The following PRORP variants were observed in gnomAD, a reference collection of about 807,000 sequenced individuals.
PRORP encodes protein only RNase P catalytic subunit, also known as mitochondrial ribonuclease P catalytic subunit.
PRORP carries 51 observed loss-of-function variants against 59.4 expected under a neutral mutation model. That is an observed-to-expected ratio of 0.86 (90% confidence interval 0.69 to 1.08). The LOEUF is 1.08. PRORP is among the 50% of genes least tolerant of loss of function. The probability of loss-of-function intolerance (pLI) is 0.00; values close to 1 mark genes in which losing one functional copy is unlikely to be tolerated. For synonymous variants in PRORP, 231 were observed against 245.6 expected (o/e 0.94, Z 0.55); for missense variants, 646 against 690.3 (o/e 0.94, Z 0.72).
intron 4 of PRORP, among the ~76,000 whole-genome samples, chr14:35,140,180 T>C (rs542582061): frequency 6.9e-6 from 1 of 145,292 alleles, no homozygotes; most frequent in Admixed American, 7.2e-5. Context: ...CTTGGGTAAC[T>C]CTCTTAGGAC....
At position 35,180,765 on chromosome 14, in the gene PRORP, T is replaced by A; in HGVS notation, c.1263T>A (p.Arg421=). ...TTGCCAAAATGTTTCCTAAAGTTCG[T>A]GAATCTCAACTTGTAAGTATAAGTT... The part of the protein sequence containing the change: ...LNVAKMFPKV[R]ESQLLLNVVS... Residue 421 remains arginine (R), a synonymous_variant, in exon 5 of 8, where the codon CGT becomes CGA. Transcript: ENST00000534898. 6.3e-7 allele frequency: 1 copy of A among 1,599,870 alleles called. No individual in the cohort carries two copies.
At chr14:35,158,770 A>T (rs951216607) in intron 4 of PRORP, 2 of 365,510 alleles carry the variant, frequency 5.5e-6, no homozygotes, top group Non-Finnish European at 1.1e-5. Context: ...CAGCAACTTA[A>T]CACTACCTTC....
At chr14:35,236,641 C>A (rs187913313) in intron 5 of PRORP, among the ~76,000 whole-genome samples, 65 of 152,284 alleles carry the variant, frequency 4.3e-4, no homozygotes, top group Admixed American at 2.2e-3. Flanking sequence ...AATTCTGTGA[C>A]TTCACATTCT....
chr14:35,196,278 C>T (rs756021734), intron 5 of PRORP, among the ~76,000 whole-genome samples: 7 of 152,246 alleles, frequency 4.6e-5, no homozygotes, highest in East Asian at 3.9e-4. Flanking sequence ...AGTTAGAGAC[C>T]GGCCTGGGCA....
chr14:35,156,594 G>A (rs925041285), intron 4 of PRORP, among the ~76,000 whole-genome samples: 1 of 152,134 alleles, frequency 6.6e-6, no homozygotes, highest in African/African-American at 2.4e-5. Context: ...GTGATTCTTT[G>A]CAAGCTGACT....
In PRORP at chr14:35,259,995, T is replaced by TTG. The variant is rs1291929919; in HGVS notation, c.1276-6731_1276-6730insGT. On this transcript the variant is annotated intron_variant, in intron 5 of 7. Transcript: ENST00000534898. ...CAGGTGTTTTGGAGGTTTTTCGGGT[T>TTG]TTTTTTTTTTTTTTTTTTTTGGTGG... Among the ~76,000 whole-genome samples the TTG allele has an allele frequency of 7.2e-3, 977 of 134,950 alleles. 14 individuals carry two copies. Among genetic ancestry groups the TTG allele is most frequent in the African/African-American group, 0.029 (929 of 32,572 alleles). 88.5% of individuals were successfully genotyped at this position (134,950 alleles called of 152,430 possible).
intron 4 of PRORP, chr14:35,159,037 C>G (rs962958683): frequency 3.5e-6 from 1 of 286,572 alleles, no homozygotes. Flanking sequence ...CAGAAGAAAT[C>G]CACAGAAGAA....
intron 5 of PRORP, among the ~76,000 whole-genome samples, chr14:35,265,016 T>A (rs938188658): frequency 3.3e-5 from 5 of 151,966 alleles, no homozygotes; most frequent in African/African-American, 2.4e-5. Flanking sequence ...AAATAAAAAA[T>A]AAAAAAATTC....
intron 6 of PRORP, among the ~76,000 whole-genome samples, chr14:35,269,227 A>G (rs2051125408): frequency 6.6e-6 from 1 of 152,224 alleles, no homozygotes; most frequent in African/African-American, 2.4e-5. Flanking sequence ...TAACTCATGT[A>G]AAACTCTTGG....
chr14:35,213,477 C>T (rs1427750260), intron 5 of PRORP, among the ~76,000 whole-genome samples: 2 of 152,032 alleles, frequency 1.3e-5, no homozygotes, highest in Non-Finnish European at 2.9e-5. Context: ...TCTTTGCATA[C>T]ACAACTTGGG....
intron 5 of PRORP, among the ~76,000 whole-genome samples, chr14:35,236,061 A>C (rs1299581547): frequency 7.0e-6 from 1 of 142,094 alleles, no homozygotes; most frequent in Non-Finnish European, 1.5e-5. Context: ...GTGCCACTGC[A>C]CTCCAACCTG....
intron 5 of PRORP, among the ~76,000 whole-genome samples, chr14:35,220,014 T>G (rs1227159804): frequency 4.6e-5 from 7 of 152,214 alleles, no homozygotes; most frequent in African/African-American, 1.4e-4. Context: ...TCTCAAAAGG[T>G]CATTGGATTT....
At chr14:35,196,229 C>A (rs1294353834) in intron 5 of PRORP, among the ~76,000 whole-genome samples, 2 of 152,334 alleles carry the variant, frequency 1.3e-5, no homozygotes, top group East Asian at 3.9e-4. Flanking sequence ...AATCCCAACA[C>A]TTTGGGAGGC....
chr14:35,177,455 TC>T (rs1201500871), intron 4 of PRORP, among the ~76,000 whole-genome samples: 29 of 152,146 alleles, frequency 1.9e-4, no homozygotes, highest in Admixed American at 1.6e-3. Context: ...TTCAACTTCT[TC>T]CTGGTTTAGT....
intron 5 of PRORP, among the ~76,000 whole-genome samples, chr14:35,205,037 T>A (rs2049255563): frequency 1.3e-5 from 2 of 152,320 alleles, no homozygotes; most frequent in South Asian, 4.1e-4. Context: ...CATGATAAAT[T>A]CAGAGCTAGT....
At chr14:35,184,089 T>G (rs1421604856) in intron 5 of PRORP, among the ~76,000 whole-genome samples, 1 of 152,124 alleles carries the variant, frequency 6.6e-6, no homozygotes, top group Non-Finnish European at 1.5e-5. Context: ...GCATTATACA[T>G]TACACATTTT....
intron 5 of PRORP, among the ~76,000 whole-genome samples, chr14:35,244,266 A>C (rs1165207296): frequency 2.0e-5 from 3 of 152,336 alleles, no homozygotes; most frequent in Middle Eastern, 6.8e-3. Context: ...TGGGAAACAC[A>C]AAGAATTTCC....
At chr14:35,154,074 A>G (rs2047851126) in intron 4 of PRORP, among the ~76,000 whole-genome samples, 1 of 152,174 alleles carries the variant, frequency 6.6e-6, no homozygotes, top group African/African-American at 2.4e-5. Flanking sequence ...ATGATCTCCA[A>G]AGCCCACTCC....
intron 5 of PRORP, among the ~76,000 whole-genome samples, chr14:35,245,330 A>G (rs549855945): frequency 3.3e-5 from 5 of 152,324 alleles, no homozygotes; most frequent in African/African-American, 1.2e-4. Context: ...AGGCTCACTC[A>G]GGCATTCTGT....
Sources: allele counts gnomAD v4.1 joint callset (sites outside exome capture counted in the v4.1 genomes callset), GRCh38; gene constraint gnomAD v4.1.1; transcripts MANE v1.5; gene names NCBI Gene and HGNC (gene_info 2026-07-23, HGNC 2026-07-21).